The following LMBR1L variants were observed in gnomAD, a reference collection of about 807,000 sequenced individuals.
The protein encoded by LMBR1L is limb development membrane protein 1 like.
LMBR1L carries 47 observed loss-of-function variants against 67.3 expected under a neutral mutation model. The observed-to-expected ratio is 0.70, with a 90% CI of 0.55 to 0.89. The LOEUF is 0.89. LMBR1L is among the 40% of genes least tolerant of loss of function. The pLI, the probability that LMBR1L is intolerant of heterozygous loss-of-function variation, is 0.00. For missense variants in LMBR1L, 533 were observed against 599.2 expected, an observed-to-expected ratio of 0.89 and a Z score of 1.15; for synonymous variants, 247 against 250.3, an observed-to-expected ratio of 0.99 and a Z score of 0.13.
chr12:49,104,719 C>G, intron 4 of LMBR1L, 27 bp downstream of exon 4: 1 of 1,612,592 alleles, frequency 6.2e-7, no homozygotes, highest in Non-Finnish European at 8.5e-7. Context: ...CTATCCCTAC[C>G]CCAAGCAGCT....
chr12:49,103,484 TAATA>T (rs1386029735), intron 6 of LMBR1L, among the ~76,000 whole-genome samples, 199 bp downstream of exon 6: 6 of 152,210 alleles, frequency 3.9e-5, no homozygotes, highest in Non-Finnish European at 7.3e-5. Flanking sequence ...AGCAACTGAA[TAATA>T]TATATTTTTA....
At chr12:49,098,200 C>T (rs1939655070) in intron 15 of LMBR1L, 95 bp from the exon 16 acceptor site, 1 of 1,311,834 alleles carries the variant, frequency 7.6e-7, no homozygotes, top group Non-Finnish European at 1.1e-6. Context: ...CACATTTCAA[C>T]ACTGCAACTG....
rs1041478448 is a variant in LMBR1L, at chr12:49,110,504, C to A, written c.52G>T (p.Glu18Ter). The A allele has an allele frequency of 5.0e-6, 8 of 1,613,928 alleles. No homozygotes were observed. The Admixed American group carries it at 1.2e-4, about 24-fold the overall frequency. Residue 18 changes from glutamate to a stop codon, truncating the protein, a stop_gained, in exon 1 of 17, where the codon GAG becomes TAG. Coordinates refer to ENST00000267102, the MANE Select transcript of LMBR1L (RefSeq NM_018113.4). LOFTEE classifies it high-confidence loss of function. ...CTCACAATACACTCGCGGATCCTCT[C>A]GTGGAATAGCTGTTCTCGCACGGAT... ...VLSVREQLFH[E>*]RIRECIISTL...
At position 49,106,957 on chromosome 12, in the gene LMBR1L, G is replaced by A. The variant is rs1940986645; in HGVS notation, c.157+4C>T. ...TCTAGCAGGAGGGAGGGAAATCAAA[G>A]TACCTGTGGTGAACTCAGCAGGCTT... On this transcript the variant is annotated splice_donor_region_variant and intron_variant, in intron 2 of 16. Transcript: ENST00000267102. The A allele has an allele frequency of 1.2e-6, 2 of 1,603,494 alleles. No individual in the cohort carries two copies. The highest frequency in any genetic ancestry group is 1.3e-5 in the African/African-American group (1 of 74,688).
rs59409407 is a variant in LMBR1L, at chr12:49,100,371, CTCCTT to C, written c.1240+12_1240+16del. ...CAAAAAAATCCAATTCCTTTATCTC[CTCCTT>C]TCAATACTTACCCAGGGTTCGAGAG... On this transcript the variant is annotated intron_variant, in intron 15 of 16. Coordinates refer to ENST00000267102, the MANE Select transcript of LMBR1L (RefSeq NM_018113.4). The C allele has an allele frequency of 5.5e-3, 8,824 of 1,603,696 alleles. 418 individuals are homozygous for C. The African/African-American group carries it at 0.11, about 19-fold the overall frequency.
At chr12:49,101,604 A>G in intron 11 of LMBR1L, 55 bp from the exon 12 acceptor site, 3 of 1,334,734 alleles carry the variant, frequency 2.2e-6, no homozygotes, top group Non-Finnish European at 3.2e-6. Context: ...CTGGACCCAG[A>G]GCTAAAGGAA....
intron 15 of LMBR1L, among the ~76,000 whole-genome samples, chr12:49,099,265 A>G (rs951166626): frequency 6.6e-6 from 1 of 151,834 alleles, no homozygotes; most frequent in Non-Finnish European, 1.5e-5. Context: ...AAGCTCAGCA[A>G]TTCTCATGCC....
In LMBR1L at chr12:49,100,405, A is replaced by G; in HGVS notation, c.1223T>C (p.Val408Ala). 6.2e-7 allele frequency: 1 copy of G among 1,613,850 alleles called. No individual in the cohort carries two copies. The highest frequency in any genetic ancestry group is 1.3e-5 in the African/African-American group (1 of 75,038). ...ATACTTACCCAGGGTTCGAGAGAAG[A>G]CAGGAAGTGCTGAGCTTAGGACCAG... ...CLLVLSSALP[V>A]FSRTLGLTRF... Residue 408 changes from valine (V) to alanine (A), a missense_variant, in exon 15 of 17, where the codon GTC (valine) becomes GCC (alanine). Physicochemically the swap from Val to Ala is moderately conservative, Grantham distance 64 (BLOSUM62 0). Coordinates refer to ENST00000267102, the MANE Select transcript of LMBR1L (RefSeq NM_018113.4).
In LMBR1L at chr12:49,104,840, G is replaced by A. The variant is rs776512924; in HGVS notation, c.237C>T (p.Val79=). The A allele has an allele frequency of 2.5e-6, 4 of 1,613,578 alleles. No individual in the cohort carries two copies. Among genetic ancestry groups the A allele is most frequent in the East Asian group, 4.5e-5 (2 of 44,878 alleles). The change falls in exon 4 of 17, where the codon GTC becomes GTT. Residue 79 remains valine, a synonymous_variant. Coordinates refer to ENST00000267102, the MANE Select transcript of LMBR1L (RefSeq NM_018113.4). ...TFTLAIALGA[V]LLLPFSIISN... ...TGATGATGGAGAAGGGCAGGAGCAGGACAGCACCCAGGGCAATTGCCAGGG... is the reference window on the plus strand; with the variant it reads ...TGATGATGGAGAAGGGCAGGAGCAGAACAGCACCCAGGGCAATTGCCAGGG...
chr12:49,103,576 T>G, intron 6 of LMBR1L, 111 bp downstream of exon 6: 1 of 1,367,592 alleles, frequency 7.3e-7, no homozygotes, highest in Non-Finnish European at 9.8e-7. Flanking sequence ...AACTTCAGTC[T>G]AAGGGAGAAG....
chr12:49,109,997 A>T (rs965701423), intron 1 of LMBR1L: 1 of 457,140 alleles, frequency 2.2e-6, no homozygotes, highest in Non-Finnish European at 4.4e-6. Flanking sequence ...CTTCCAAAGC[A>T]GATGACCCAC....
chr12:49,104,739 C>T lies in LMBR1L; in HGVS notation c.331+7G>A. ...CCTACCCCAAGCAGCTTCCAGGAGCCACACACCATGGATGAGGGAGCCGTT... is the reference window on the plus strand; with the variant it reads ...CCTACCCCAAGCAGCTTCCAGGAGCTACACACCATGGATGAGGGAGCCGTT... On this transcript the variant is annotated splice_region_variant and intron_variant, in intron 4 of 16. Transcript: ENST00000267102. 1.9e-6 allele frequency: 3 copies of T among 1,613,364 alleles called. No individual in the cohort carries two copies. Among genetic ancestry groups the T allele is most frequent in the South Asian group, 2.2e-5 (2 of 90,904 alleles).
intron 12 of LMBR1L, 30 bp from the exon 13 acceptor site, chr12:49,101,353 A>G: frequency 6.2e-7 from 1 of 1,610,496 alleles, no homozygotes; most frequent in African/African-American, 1.3e-5. Context: ...CACTGTGAGC[A>G]TTCCCCACCA....
At chr12:49,104,384 T>A in intron 5 of LMBR1L, 64 bp downstream of exon 5, 1 of 1,193,306 alleles carries the variant, frequency 8.4e-7, no homozygotes, top group South Asian at 1.3e-5. Context: ...TTTATTAAAA[T>A]CTCTTCAGCT....
At chr12:49,106,509 A>G (rs1305125603) in intron 2 of LMBR1L, 1 of 1,159,814 alleles carries the variant, frequency 8.6e-7, no homozygotes, top group East Asian at 5.7e-5. Flanking sequence ...ATCTGAGCAT[A>G]CTCAGGCTCC....
chr12:49,106,709 GT>G, intron 2 of LMBR1L: 1 of 1,031,980 alleles, frequency 9.7e-7, no homozygotes, highest in Non-Finnish European at 1.4e-6. Context: ...ACACAATGGA[GT>G]AGGTAGACAT....
chr12:49,099,935 G>A (rs942657738), intron 15 of LMBR1L, among the ~76,000 whole-genome samples: 1 of 152,222 alleles, frequency 6.6e-6, no homozygotes, highest in Non-Finnish European at 1.5e-5. Flanking sequence ...GGCAGGAGAA[G>A]GAGTGAGTTT....
Position 49,097,510 on chromosome 12 carries a change from ACT to A in LMBR1L, c.*160_*161del. ...GAAAAGCAGGAGGTCCTGGTCCCAA[ACT>A]CTGGCTCAGATTATGCAATAGTGCA... is the stretch of plus-strand genomic sequence containing the variant. On this transcript the variant is annotated 3_prime_UTR_variant, in exon 17 of 17. Transcript: ENST00000267102. 1.4e-6 allele frequency: 1 copy of A among 694,062 alleles called. No individual in the cohort carries two copies. Among genetic ancestry groups the A allele is most frequent in the Admixed American group, 2.6e-5 (1 of 38,468 alleles). 43.0% of individuals were successfully genotyped at this position (694,062 alleles called of 1,614,324 possible). A position where few individuals can be genotyped will look rare whatever the true frequency, so the allele number is the denominator to read the frequency against.
At chr12:49,104,651 T>C in intron 4 of LMBR1L, 95 bp downstream of exon 4, 1 of 1,579,346 alleles carries the variant, frequency 6.3e-7, no homozygotes, top group Non-Finnish European at 8.7e-7. Context: ...AGGTGCGACA[T>C]ATGACTGCTT....
Sources: allele counts gnomAD v4.1 joint callset (sites outside exome capture counted in the v4.1 genomes callset), GRCh38; gene constraint gnomAD v4.1.1; transcripts MANE v1.5; gene names NCBI Gene and HGNC (gene_info 2026-07-23, HGNC 2026-07-21).